The following RTP2 variants were observed in gnomAD, a reference collection of about 807,000 sequenced individuals.
The protein encoded by RTP2 is receptor-transporting protein 2.
In RTP2, 12 loss-of-function variants were observed where a neutral mutation model predicts 17.9. The observed-to-expected ratio is 0.67, with a 90% confidence interval of 0.43 to 1.09. The LOEUF (loss-of-function observed/expected upper bound fraction) is 1.09, where lower values mean the gene tolerates loss of function less well. Ranked by LOEUF, RTP2 falls within the 50% of genes least tolerant of loss-of-function variation. The pLI is 0.00. For missense variants in RTP2, 327 were observed against 295.7 expected (o/e 1.11, Z -0.78); for synonymous variants, 126 against 117.7 (o/e 1.07, Z -0.46).
chr3:187,698,610 T>C (rs1579780111), exon 2 of RTP2: 1 of 1,614,078 alleles, frequency 6.2e-7, no homozygotes, highest in Non-Finnish European at 8.5e-7. Context: ...GGATCCCGCC[T>C]GGGCCCTCGG....
intron 1 of RTP2, 56 bp from the exon 2 acceptor site, chr3:187,699,067 T>A: frequency 6.7e-7 from 1 of 1,497,344 alleles, no homozygotes; most frequent in Non-Finnish European, 8.9e-7. Flanking sequence ...AAGCCTGCCC[T>A]GAGAAGCTCT....
the RTP2 span, among the ~76,000 whole-genome samples, chr3:187,711,566 T>C: frequency 6.6e-6 from 1 of 152,210 alleles, no homozygotes; most frequent in Non-Finnish European, 1.5e-5. Flanking sequence ...TCCATTGAAG[T>C]TTTCTAAGGC....
At chr3:187,702,994 T>C (rs996409083), upstream of RTP2, among the ~76,000 whole-genome samples, 1 of 149,274 alleles carries the variant, frequency 6.7e-6, no homozygotes, top group Admixed American at 6.6e-5. Context: ...GGGTAATGAG[T>C]TTGTTCTGTG....
exon 1 of RTP2, chr3:187,702,006 G>GGCC (rs1717862833): frequency 1.2e-6 from 2 of 1,611,668 alleles, no homozygotes; most frequent in Non-Finnish European, 1.7e-6. Context: ...TCCAGCCAGG[G>GGCC]GCCAGCTCAC....
chr3:187,704,518 GA>G (rs1717941975), upstream of RTP2, among the ~76,000 whole-genome samples: 3 of 152,146 alleles, frequency 2.0e-5, no homozygotes, highest in Admixed American at 1.3e-4. Context: ...CATTGTTACT[GA>G]TGGGATATGT....
the RTP2 span, among the ~76,000 whole-genome samples, chr3:187,714,430 G>T: frequency 6.6e-6 from 1 of 152,222 alleles, no homozygotes; most frequent in Non-Finnish European, 1.5e-5. Flanking sequence ...CTGTTAAATG[G>T]CTCTGCTGAG....
chr3:187,704,998 C>T (rs1031535177), upstream of RTP2, among the ~76,000 whole-genome samples: 2 of 152,158 alleles, frequency 1.3e-5, no homozygotes, highest in African/African-American at 4.8e-5. Context: ...AAATTCTGTG[C>T]ACCATGCTTC....
chr3:187,704,004 A>G (rs1717927255), upstream of RTP2, among the ~76,000 whole-genome samples: 1 of 152,172 alleles, frequency 6.6e-6, no homozygotes, highest in Non-Finnish European at 1.5e-5. Flanking sequence ...TTACTACTTC[A>G]ATTTTCCGCG....
Sources: gnomAD v4.1 joint callset for allele counts (sites outside exome capture counted in the v4.1 genomes callset) on GRCh38, gnomAD v4.1.1 for gene constraint, MANE v1.5 for transcripts, NCBI Gene and HGNC (gene_info 2026-07-23, HGNC 2026-07-21) for gene names.